Variants in ABCC12 observed in about 807,000 individuals in gnomAD.
ABCC12 encodes ATP binding cassette subfamily C member 12, also known as ATP-binding cassette sub-family C member 12.
In ABCC12, 142 loss-of-function variants were observed where a neutral mutation model predicts 151.1. The observed-to-expected ratio is 0.94, with a 90% CI of 0.82 to 1.08. The LOEUF is 1.08. Among genes scored for constraint, ABCC12 ranks in the 50% least tolerant of loss-of-function variants. ABCC12 has a pLI of 0.00. For missense variants in ABCC12, 1,638 were observed against 1,691.1 expected (o/e 0.97, Z 0.55); for synonymous variants, 645 against 646.4 (o/e 1.00, Z 0.03).
At chr16:48,094,268 G>T (rs1963013994) in intron 24 of ABCC12, among the ~76,000 whole-genome samples, 1 of 152,188 alleles carries the variant, frequency 6.6e-6, no homozygotes, top group Non-Finnish European at 1.5e-5. Context: ...AGAGTACAGA[G>T]AATACATTTT....
chr16:48,137,589 C>T (rs1446429850), intron 8 of ABCC12, among the ~76,000 whole-genome samples: 1 of 152,192 alleles, frequency 6.6e-6, no homozygotes, highest in Non-Finnish European at 1.5e-5. Flanking sequence ...GGCCCAATTC[C>T]ATGCTGGTGC....
Position 48,100,837 on chromosome 16 carries a change from T to C in ABCC12, c.3038+35A>G, listed in dbSNP as rs371126836. ...CCCCATCGGAGTCAGGCATGAAGCA[T>C]GGGGGCCTGGGGCAGGGCCCCACAT... On this transcript the variant is annotated intron_variant, in intron 23 of 30. Transcript: ENST00000311303. The C allele has an allele frequency of 9.3e-6, 15 of 1,607,656 alleles. No individual in the cohort carries two copies. In the African/African-American group the frequency reaches 1.9e-4, roughly 20 times the overall value.
rs1384301520 is a variant in ABCC12, at chr16:48,133,835, T to A, written c.980A>T (p.Asp327Val). 4.3e-6 allele frequency: 7 copies of A among 1,614,178 alleles called. No homozygotes were observed. Among genetic ancestry groups the A allele is most frequent in the Non-Finnish European group, 5.9e-6 (7 of 1,180,012 alleles). The change falls in exon 9 of 31, where the codon GAT becomes GTT. Residue 327 changes from aspartate to valine, a missense_variant and splice_region_variant. Coordinates refer to ENST00000311303, the MANE Select transcript of ABCC12 (RefSeq NM_001393797.1). ...TAATTTTCTTTCCCTCCTTCTTATA[T>A]CTGCAAAATAGAACACAGTCCAAGG... Reference protein sequence around the residue: ...WEKSFTNTIQDIRRRERKLLE... With the variant: ...WEKSFTNTIQVIRRRERKLLE...
rs1382218193 is a variant in ABCC12 at position 48,140,933 on chromosome 16, A to G, written c.424-13T>C. 6.2e-7 allele frequency: 1 copy of G among 1,609,184 alleles called. No homozygotes were observed. Among genetic ancestry groups the G allele is most frequent in the Non-Finnish European group, 8.5e-7 (1 of 1,176,142 alleles). ...GAATGAGAACTGTCTGTAAAACAGC[A>G]TGGTGGGGAGAAGAGAGGGCCACTG... On this transcript the variant is annotated splice_polypyrimidine_tract_variant and intron_variant, in intron 5 of 30. Coordinates refer to ENST00000311303, the MANE Select transcript of ABCC12 (RefSeq NM_001393797.1).
chr16:48,091,304 T>A, intron 24 of ABCC12, 95 bp from the exon 25 acceptor site: 1 of 1,100,048 alleles, frequency 9.1e-7, no homozygotes, highest in Admixed American at 1.7e-5. Context: ...GAATGATCCC[T>A]CCCCTGCCTA....
intron 24 of ABCC12, among the ~76,000 whole-genome samples, chr16:48,092,362 G>C (rs1373616570): frequency 1.3e-5 from 2 of 152,222 alleles, no homozygotes; most frequent in Admixed American, 1.3e-4. Flanking sequence ...TGGTCTTGGA[G>C]CTCTGGGACA....
In ABCC12 at chr16:48,081,008, T is replaced by C. The variant is rs1962321754; in HGVS notation, c.*2707A>G. Among the ~76,000 whole-genome samples the C allele has an allele frequency of 6.6e-6, 1 of 152,168 alleles. No individual in the cohort carries two copies. The highest frequency in any genetic ancestry group is 2.4e-5 in the African/African-American group (1 of 41,450). On this transcript the variant is annotated 3_prime_UTR_variant, in exon 31 of 31. Coordinates refer to ENST00000311303, the MANE Select transcript of ABCC12 (RefSeq NM_001393797.1). ...CACAGATGATGCCTTCTATGTGTCC[T>C]CACATGGAGGAAGGGGTGAACAAGC...
Position 48,088,616 on chromosome 16 carries a change from AG to A in ABCC12, c.3403del (p.Val1136PhefsTer5). On this transcript the variant is annotated frameshift_variant, in exon 26 of 31. Coordinates refer to ENST00000311303, the MANE Select transcript of ABCC12 (RefSeq NM_001393797.1). LOFTEE classifies it high-confidence loss of function. ...GTTCAAGTTCAGGCTGTCGAGAACA[AG>A]GGGGGTGTTGTCTCTGTATCTCATC... The part of the protein sequence containing the change: ...YQMRYRDNTP[L>X]VLDSLNLNIQ... 6.2e-7 allele frequency: 1 copy of A among 1,614,164 alleles called. No individual in the cohort carries two copies. Among genetic ancestry groups the A allele is most frequent in the Non-Finnish European group, 8.5e-7 (1 of 1,180,022 alleles).
rs1342476379 is a variant in ABCC12, at chr16:48,133,797, C to T, written c.1018G>A (p.Gly340Arg). 6 of 1,613,934 alleles carry T rather than the reference C, an allele frequency of 3.7e-6. No homozygotes were observed. In the Admixed American group the frequency reaches 1.0e-4, roughly 27 times the overall value. The change falls in exon 9 of 31, where the codon GGA becomes AGA. Residue 340 changes from glycine to arginine, a missense_variant. Physicochemically the swap from Gly to Arg is moderately radical, Grantham distance 125. Transcript: ENST00000311303. ...GCAGAGTTTCCACTTTGGACAAATC[C>T]AGCTTTTTCCAGTAATTTTCTTTCC... ...RRERKLLEKA[G>R]FVQSGNSALA...
At chr16:48,115,759 A>G (rs745550025) in intron 14 of ABCC12, 141 bp from the exon 15 acceptor site, 121 of 868,482 alleles carry the variant, frequency 1.4e-4, no homozygotes, top group Non-Finnish European at 2.0e-4. Flanking sequence ...TCCGCCCCTT[A>G]CAGGGCCCCC....
At chr16:48,117,782 G>A (rs1344505121) in intron 13 of ABCC12, among the ~76,000 whole-genome samples, 1 of 152,146 alleles carries the variant, frequency 6.6e-6, no homozygotes, top group Non-Finnish European at 1.5e-5. Context: ...CTAACAGCAG[G>A]GGGCTGGGTG....
intron 9 of ABCC12, among the ~76,000 whole-genome samples, chr16:48,132,202 T>C (rs1011261592): frequency 6.6e-6 from 1 of 152,192 alleles, no homozygotes; most frequent in African/African-American, 2.4e-5. Flanking sequence ...GCCACAATAA[T>C]TGGGCAGCGT....
intron 9 of ABCC12, among the ~76,000 whole-genome samples, chr16:48,131,369 T>A (rs966213447): frequency 6.6e-6 from 1 of 152,154 alleles, no homozygotes; most frequent in Non-Finnish European, 1.5e-5. Context: ...TGGAGGGACC[T>A]GCTTGCCCCT....
chr16:48,151,499 T>C (rs1965116942), intron 2 of ABCC12, among the ~76,000 whole-genome samples: 1 of 152,182 alleles, frequency 6.6e-6, no homozygotes, highest in Admixed American at 6.5e-5. Flanking sequence ...AGTATAAATA[T>C]TAGTTAACAA....
chr16:48,144,089 C>G, intron 3 of ABCC12, 24 bp from the exon 4 acceptor site: 1 of 1,601,206 alleles, frequency 6.2e-7, no homozygotes, highest in Non-Finnish European at 8.5e-7. Flanking sequence ...AGACACTCAG[C>G]GTTCCAGGCA....
At chr16:48,101,821 T>C (rs1963318619) in intron 22 of ABCC12, among the ~76,000 whole-genome samples, 1 of 152,152 alleles carries the variant, frequency 6.6e-6, no homozygotes, top group Admixed American at 6.5e-5. Context: ...ACAAGAGCAA[T>C]GATCAAATAC....
chr16:48,095,115 G>A (rs1963047487), intron 24 of ABCC12, among the ~76,000 whole-genome samples: 1 of 152,226 alleles, frequency 6.6e-6, no homozygotes, highest in Admixed American at 6.5e-5. Context: ...ATCTTGAATT[G>A]TAGCTCCCAT....
At chr16:48,084,158 G>T in intron 29 of ABCC12, 85 bp from the exon 30 acceptor site, 1 of 1,383,782 alleles carries the variant, frequency 7.2e-7, no homozygotes, top group Non-Finnish European at 9.7e-7. Context: ...AAAAAAAGAA[G>T]AAGAAGAAAA....
intron 29 of ABCC12, among the ~76,000 whole-genome samples, chr16:48,084,361 A>G (rs1037201365): frequency 6.6e-6 from 1 of 152,202 alleles, no homozygotes; most frequent in African/African-American, 2.4e-5. Context: ...TCATAGGGAG[A>G]CAGGCTGCAC....
Sources: gnomAD v4.1 joint callset for allele counts (sites outside exome capture counted in the v4.1 genomes callset) on GRCh38, gnomAD v4.1.1 for gene constraint, MANE v1.5 for transcripts, NCBI Gene and HGNC (gene_info 2026-07-23, HGNC 2026-07-21) for gene names.